Variants in C1QTNF7 observed in about 807,000 individuals in gnomAD.
C1QTNF7 encodes C1q and TNF related 7.
Under a neutral mutation model 19.6 loss-of-function variants are expected in C1QTNF7, and 15 were observed. The ratio of observed to expected loss-of-function variants is 0.76; its 90% CI spans 0.51 to 1.18. The LOEUF is 1.18. Among genes scored for constraint, C1QTNF7 ranks in the 50% most tolerant of loss-of-function variants. The pLI is 0.00. For missense variants in C1QTNF7, 324 were observed against 359.7 expected (o/e 0.90, Z 0.80); for synonymous variants, 142 against 137.5 (o/e 1.03, Z -0.23).
upstream of C1QTNF7, among the ~76,000 whole-genome samples, chr4:15,425,127 A>C (rs1711978244): frequency 6.6e-6 from 1 of 152,094 alleles, no homozygotes; most frequent in Non-Finnish European, 1.5e-5. Context: ...CCGGTTTGTA[A>C]GGACAAGCAG....
At chr4:15,350,880 T>C (rs1716912048) in intron 1 of C1QTNF7, among the ~76,000 whole-genome samples, 1 of 152,222 alleles carries the variant, frequency 6.6e-6, no homozygotes, top group Non-Finnish European at 1.5e-5. Context: ...GGGTAAGATT[T>C]TTGAAGTAAT....
rs555849610 is a variant in C1QTNF7 at position 15,420,901 on chromosome 4, T to C, written c.14-14835T>C. 6.0e-5 allele frequency among the ~76,000 whole-genome samples: 9 copies of C among 148,872 alleles called. No individual in the cohort carries two copies. The South Asian group carries it at 2.0e-3, about 33-fold the overall frequency. ...TTTCCTCCCCAGCACACTGAGTCAT[T>C]GTTGGATTTCCCAGCTCTCGCTCCA... On this transcript the variant is annotated intron_variant, in intron 1 of 2. Coordinates refer to the C1QTNF7 transcript ENST00000295297.
chr4:15,434,252 A>G (rs569898377), intron 1 of C1QTNF7, among the ~76,000 whole-genome samples: 2 of 152,214 alleles, frequency 1.3e-5, no homozygotes, highest in South Asian at 4.2e-4. Context: ...TTTTTCACTA[A>G]TAAGATTTCT....
Position 15,422,105 on chromosome 4 carries a change from G to A in C1QTNF7, c.14-13631G>A, listed in dbSNP as rs141660854. On this transcript the variant is annotated intron_variant, in intron 1 of 2. Transcript: ENST00000295297. ...AATGCTCTGTATCTCTTTTTTAGTG[G>A]TGGTTATACAATTGCATACATTGGC... 1.8e-4 allele frequency among the ~76,000 whole-genome samples: 27 copies of A among 151,592 alleles called. No individual in the cohort carries two copies. The East Asian group carries it at 5.3e-3, about 29-fold the overall frequency.
intron 1 of C1QTNF7, among the ~76,000 whole-genome samples, chr4:15,359,218 C>G (rs1043652203): frequency 6.6e-6 from 1 of 152,124 alleles, no homozygotes; most frequent in African/African-American, 2.4e-5. Context: ...CAACCAGTAT[C>G]CTTGTGCCCA....
At position 15,445,076 on chromosome 4, in the gene C1QTNF7, T is replaced by C. The variant is rs1712941362; in HGVS notation, c.*2277T>C. The C allele has an allele frequency of 6.6e-6, 1 of 152,306 alleles. No individual in the cohort carries two copies. Among genetic ancestry groups the C allele is most frequent in the African/African-American group, 2.4e-5 (1 of 41,448 alleles). The allele number at this position is 152,306 out of a possible 1,614,324, so 9.4% of individuals were successfully genotyped here. A position where few individuals can be genotyped will look rare whatever the true frequency, so the allele number is the denominator to read the frequency against. On this transcript the variant is annotated 3_prime_UTR_variant, in exon 3 of 3. Coordinates refer to ENST00000444304, the MANE Select transcript of C1QTNF7 (RefSeq NM_031911.5). ...CTTTTCCTGTCTTTCAACCCTATCT[T>C]GCTTTCATTGTCTTCATCTTCCTGC...
intron 1 of C1QTNF7, among the ~76,000 whole-genome samples, chr4:15,413,793 T>G (rs1216796475): frequency 6.6e-6 from 1 of 152,194 alleles, no homozygotes; most frequent in Non-Finnish European, 1.5e-5. Context: ...ACTGACTGAT[T>G]GCATTTCTCA....
At position 15,446,113 on chromosome 4, in the gene C1QTNF7, T is replaced by A. The variant is rs1325151324; in HGVS notation, c.*3314T>A. Reference sequence around the variant, plus strand: ...AGATTCTATAAACTCTAAATATACTTTTTTTCTACCACTCTGTGTAAAAGA... The same window carrying A: ...AGATTCTATAAACTCTAAATATACTATTTTTCTACCACTCTGTGTAAAAGA... On this transcript the variant is annotated 3_prime_UTR_variant, in exon 3 of 3. Coordinates refer to ENST00000444304, the MANE Select transcript of C1QTNF7 (RefSeq NM_031911.5). 1 of 152,182 alleles carries A rather than the reference T, an allele frequency of 6.6e-6. No homozygotes were observed. The highest frequency in any genetic ancestry group is 2.4e-5 in the African/African-American group (1 of 41,434). The allele number at this position is 152,182 out of a possible 1,614,324, so 9.4% of individuals were successfully genotyped here. A position where few individuals can be genotyped will look rare whatever the true frequency, so the allele number is the denominator to read the frequency against.
chr4:15,384,405 G>A (rs1276884442), intron 1 of C1QTNF7, among the ~76,000 whole-genome samples: 2 of 151,988 alleles, frequency 1.3e-5, no homozygotes, highest in Non-Finnish European at 2.9e-5. Flanking sequence ...CACAAATACA[G>A]CTTTTTTTTT....
intron 1 of C1QTNF7, chr4:15,374,677 G>T: frequency 1.0e-6 from 1 of 985,270 alleles, no homozygotes; most frequent in Non-Finnish European, 1.2e-6. Context: ...AATAATCCTC[G>T]CTGCCAAAGG....
chr4:15,442,458 C>T lies in C1QTNF7; in HGVS notation c.529C>T (p.His177Tyr), dbSNP rs773946027. 1 of 1,614,170 alleles carries T rather than the reference C, an allele frequency of 6.2e-7. No individual in the cohort carries two copies. Among genetic ancestry groups the T allele is most frequent in the Non-Finnish European group, 8.5e-7 (1 of 1,180,012 alleles). Residue 177 changes from histidine (H) to tyrosine (Y), a missense_variant, in exon 3 of 3, where the codon CAC becomes TAC. By Grantham distance (83) the His-to-Tyr change is moderately conservative (BLOSUM62 2). Coordinates refer to ENST00000444304, the MANE Select transcript of C1QTNF7 (RefSeq NM_031911.5). ...FNKVLFNEGE[H>Y]YNPATGKFIC... ...CAAGGTCCTCTTCAACGAGGGAGAGCACTACAACCCTGCCACAGGGAAGTT... is the reference window on the plus strand; with the variant it reads ...CAAGGTCCTCTTCAACGAGGGAGAGTACTACAACCCTGCCACAGGGAAGTT...
chr4:15,417,455 A>G (rs1560363173), intron 1 of C1QTNF7, among the ~76,000 whole-genome samples: 1 of 152,258 alleles, frequency 6.6e-6, no homozygotes, highest in East Asian at 1.9e-4. Flanking sequence ...TGCTATAAAG[A>G]GATCCTGAGG....
At chr4:15,392,845 A>G (rs1718623529) in intron 1 of C1QTNF7, among the ~76,000 whole-genome samples, 1 of 152,226 alleles carries the variant, frequency 6.6e-6, no homozygotes, top group African/African-American at 2.4e-5. Context: ...TAACCGGGAA[A>G]ACAGGTGAAT....
chr4:15,413,240 C>T (rs1719470640), intron 1 of C1QTNF7, among the ~76,000 whole-genome samples: 1 of 152,204 alleles, frequency 6.6e-6, no homozygotes, highest in Admixed American at 6.5e-5. Flanking sequence ...CACCTATTTC[C>T]GTGGTTACCT....
At chr4:15,374,909 G>A (rs746551685) in intron 1 of C1QTNF7, 11 of 334,672 alleles carry the variant, frequency 3.3e-5, no homozygotes, top group Non-Finnish European at 4.2e-5. Flanking sequence ...TACCGACTGG[G>A]GCTTAGTCAA....
At chr4:15,398,811 G>A (rs1718880939) in intron 1 of C1QTNF7, among the ~76,000 whole-genome samples, 1 of 152,206 alleles carries the variant, frequency 6.6e-6, no homozygotes, top group Admixed American at 6.5e-5. Flanking sequence ...AGGAATGAAA[G>A]GAAGTAAAGT....
chr4:15,389,478 G>A (rs1209498840), intron 1 of C1QTNF7, among the ~76,000 whole-genome samples: 1 of 152,194 alleles, frequency 6.6e-6, no homozygotes, highest in Admixed American at 6.5e-5. Context: ...GGAGTACAAC[G>A]GTGCCATCAC....
In C1QTNF7 at chr4:15,442,731, T is replaced by C; in HGVS notation, c.802T>C (p.Phe268Leu). Residue 268 changes from phenylalanine to leucine, a missense_variant, in exon 3 of 3, where the codon TTC becomes CTC. Phe to Leu is a conservative substitution (Grantham distance 22, BLOSUM62 0). Transcript: ENST00000444304. Reference protein sequence around the residue: ...FSDPGWADSLFSGFLLYVDTD... With the variant: ...FSDPGWADSLLSGFLLYVDTD... ...AGACCCAGGTTGGGCAGACAGCTTA[T>C]TCTCCGGGTTTCTCTTATACGTTGA... 6.2e-7 allele frequency: 1 copy of C among 1,614,104 alleles called. No individual in the cohort carries two copies. The highest frequency in any genetic ancestry group is 8.5e-7 in the Non-Finnish European group (1 of 1,180,008).
At chr4:15,387,504 G>A (rs1319916116) in intron 1 of C1QTNF7, among the ~76,000 whole-genome samples, 1 of 152,156 alleles carries the variant, frequency 6.6e-6, no homozygotes, top group Non-Finnish European at 1.5e-5. Context: ...AAAGGGCAAT[G>A]AGGAGTCTGA....
Sources: gnomAD v4.1 joint callset for allele counts (sites outside exome capture counted in the v4.1 genomes callset) on GRCh38, gnomAD v4.1.1 for gene constraint, MANE v1.5 for transcripts, NCBI Gene and HGNC (gene_info 2026-07-23, HGNC 2026-07-21) for gene names.